The following CEP128 variants were observed in gnomAD, a reference collection of about 807,000 sequenced individuals.
The protein encoded by CEP128 is centrosomal protein 128.
CEP128 carries 132 observed loss-of-function variants against 156.7 expected under a neutral mutation model. The ratio of observed to expected loss-of-function variants is 0.84; its 90% confidence interval spans 0.73 to 0.97. CEP128 has a LOEUF of 0.97. Among genes scored for constraint, CEP128 ranks in the 50% least tolerant of loss-of-function variants. CEP128 has a pLI of 0.00. For missense variants in CEP128, 1,252 were observed against 1,281.9 expected (o/e 0.98, Z 0.36); for synonymous variants, 469 against 448.9 (o/e 1.04, Z -0.57).
intron 19 of CEP128, among the ~76,000 whole-genome samples, chr14:80,734,360 C>T (rs1297963423): frequency 1.3e-5 from 2 of 151,798 alleles, no homozygotes; most frequent in Non-Finnish European, 2.9e-5. Flanking sequence ...CCCACAAAAG[C>T]GAAAGTCTTT....
intron 19 of CEP128, among the ~76,000 whole-genome samples, chr14:80,682,882 C>A (rs573363948): frequency 2.0e-4 from 31 of 152,244 alleles, no homozygotes; most frequent in African/African-American, 7.5e-4. Context: ...CTTTTCCAGA[C>A]AATCAAGTGC....
At chr14:80,539,888 A>G (rs886867762) in intron 21 of CEP128, among the ~76,000 whole-genome samples, 4 of 152,066 alleles carry the variant, frequency 2.6e-5, no homozygotes, top group Non-Finnish European at 5.9e-5. Context: ...TGTGGTTGAG[A>G]TAAGGACTGA....
intron 2 of CEP128, among the ~76,000 whole-genome samples, chr14:80,932,491 T>G (rs1452463879): frequency 6.6e-6 from 1 of 152,184 alleles, no homozygotes; most frequent in East Asian, 1.9e-4. Context: ...GAGATTGCCT[T>G]GTGCACCAAA....
chr14:80,485,870 A>C (rs1174720762), downstream of CEP128, among the ~76,000 whole-genome samples: 1 of 152,248 alleles, frequency 6.6e-6, no homozygotes, highest in African/African-American at 2.4e-5. Context: ...AGGTGGAATA[A>C]AATGCATGTG....
intron 19 of CEP128, among the ~76,000 whole-genome samples, chr14:80,660,086 G>A (rs554927658): frequency 3.3e-5 from 5 of 152,228 alleles, no homozygotes; most frequent in South Asian, 2.1e-4. Flanking sequence ...TTCTGTGTAC[G>A]CAAAGGTATT....
intron 13 of CEP128, chr14:80,830,333 T>C (rs1595468459): frequency 2.1e-6 from 1 of 477,778 alleles, no homozygotes; most frequent in Non-Finnish European, 3.8e-6. Flanking sequence ...ATATTTCCTT[T>C]GGGTTATATA....
intron 19 of CEP128, among the ~76,000 whole-genome samples, chr14:80,607,034 G>A (rs1047142613): frequency 6.7e-6 from 1 of 150,326 alleles, no homozygotes; most frequent in African/African-American, 2.4e-5. Context: ...ACATATATAC[G>A]ATACACACAT....
intron 19 of CEP128, among the ~76,000 whole-genome samples, chr14:80,608,831 G>A (rs958377083): frequency 1.6e-4 from 24 of 152,050 alleles, no homozygotes; most frequent in Non-Finnish European, 2.9e-5. Context: ...CTTTAACACA[G>A]CACTGTCACA....
intron 19 of CEP128, among the ~76,000 whole-genome samples, chr14:80,691,348 G>T (rs1414584568): frequency 6.6e-6 from 1 of 152,158 alleles, no homozygotes; most frequent in Non-Finnish European, 1.5e-5. Context: ...ATGGTATCTG[G>T]AAAGAAGAGA....
At chr14:80,938,571 G>C (rs530860268) in intron 2 of CEP128, among the ~76,000 whole-genome samples, 8 of 152,168 alleles carry the variant, frequency 5.3e-5, no homozygotes, top group African/African-American at 1.9e-4. Context: ...CTGCAAGTCC[G>C]CAGTGTGTCT....
intron 21 of CEP128, among the ~76,000 whole-genome samples, chr14:80,550,122 T>C (rs1890151476): frequency 6.6e-6 from 1 of 152,210 alleles, no homozygotes; most frequent in African/African-American, 2.4e-5. Flanking sequence ...TTTCTCAATA[T>C]AGGCATTTGA....
chr14:80,642,865 C>T (rs539495648), intron 19 of CEP128, among the ~76,000 whole-genome samples: 3 of 152,040 alleles, frequency 2.0e-5, no homozygotes, highest in Non-Finnish European at 2.9e-5. Context: ...GGCAATTCTC[C>T]TGCCTCAGCC....
chr14:80,552,605 T>C (rs1192985575), intron 21 of CEP128, among the ~76,000 whole-genome samples: 1 of 152,208 alleles, frequency 6.6e-6, no homozygotes, highest in Non-Finnish European at 1.5e-5. Flanking sequence ...AAGTAAAATA[T>C]ATACATACAG....
intron 19 of CEP128, 83 bp from the exon 20 acceptor site, chr14:80,580,506 G>C (rs1453458565): frequency 2.5e-6 from 2 of 805,872 alleles, no homozygotes; most frequent in Non-Finnish European, 4.3e-6. Context: ...TCAGCCAGTA[G>C]CTTGTATAAA....
intron 19 of CEP128, among the ~76,000 whole-genome samples, chr14:80,642,819 G>A (rs182608635): frequency 9.9e-4 from 150 of 151,274 alleles, no homozygotes; most frequent in African/African-American, 3.0e-3. Flanking sequence ...GCGGCGGCGC[G>A]ACCTCAGCTC....
At chr14:80,754,465 T>C (rs894628625) in intron 18 of CEP128, among the ~76,000 whole-genome samples, 1 of 146,832 alleles carries the variant, frequency 6.8e-6, no homozygotes. Flanking sequence ...TGTTCTTTTT[T>C]TTTTTTTTTT....
intron 19 of CEP128, among the ~76,000 whole-genome samples, chr14:80,656,317 A>T (rs1297577812): frequency 4.0e-5 from 1 of 24,978 alleles, no homozygotes; most frequent in African/African-American, 1.7e-4. Context: ...ATATATATAT[A>T]TATATATATA....
chr14:80,839,630 T>C (rs1886255434), intron 10 of CEP128, among the ~76,000 whole-genome samples: 1 of 152,172 alleles, frequency 6.6e-6, no homozygotes, highest in South Asian at 2.1e-4. Context: ...TTATGCAAAA[T>C]GTTACCATTG....
intron 8 of CEP128, among the ~76,000 whole-genome samples, chr14:80,891,829 TA>T (rs1382115155): frequency 6.6e-6 from 1 of 151,708 alleles, no homozygotes; most frequent in East Asian, 1.9e-4. Flanking sequence ...TTTTAAAAAT[TA>T]AAAAACAGCT....
Sources: gnomAD v4.1 joint callset for allele counts (sites outside exome capture counted in the v4.1 genomes callset) on GRCh38, gnomAD v4.1.1 for gene constraint, MANE v1.5 for transcripts, NCBI Gene and HGNC (gene_info 2026-07-23, HGNC 2026-07-21) for gene names.